Variants in MYL4 observed in about 807,000 individuals in gnomAD.
The protein encoded by MYL4 is myosin light chain 4, also known as atrial myosin light chain 1.
In MYL4, 16 loss-of-function variants were observed where a neutral mutation model predicts 21.6. That is an observed-to-expected ratio of 0.74 (90% CI 0.50 to 1.12). The LOEUF is 1.12. Ranked by LOEUF, MYL4 falls within the 50% of genes most tolerant of loss-of-function variation. The pLI is 0.00. For synonymous variants in MYL4, 82 were observed against 95.7 expected (o/e 0.86, Z 0.83); for missense variants, 249 against 252.9 (o/e 0.98, Z 0.11).
upstream of MYL4, among the ~76,000 whole-genome samples, chr17:47,204,669 C>T (rs191908138): frequency 2.4e-3 from 368 of 151,270 alleles, 2 homozygotes; most frequent in African/African-American, 8.7e-3. Context: ...GAAATGGAGG[C>T]TGCAATGAAC....
At chr17:47,196,568 T>G (rs2064689756), upstream of MYL4, among the ~76,000 whole-genome samples, 1 of 152,252 alleles carries the variant, frequency 6.6e-6, no homozygotes, top group Non-Finnish European at 1.5e-5. Context: ...TGGAAGTCTT[T>G]CTACATATTA....
At chr17:47,223,313 A>T (rs2064870431) in intron 6 of MYL4, 196 bp from the exon 7 acceptor site, 1 of 475,722 alleles carries the variant, frequency 2.1e-6, no homozygotes, top group Admixed American at 3.5e-5. Flanking sequence ...CCCTTCCCTC[A>T]GGCCTGGGGC....
chr17:47,201,748 A>G (rs112715159), intron 1 of MYL4, among the ~76,000 whole-genome samples: 2,464 of 152,072 alleles, frequency 0.016, 55 homozygotes, highest in African/African-American at 0.056. Flanking sequence ...GAGCCACTGC[A>G]CCTGGCCGGA....
downstream of MYL4, among the ~76,000 whole-genome samples, chr17:47,225,855 C>CTTT (rs60342000): frequency 4.1e-3 from 461 of 113,246 alleles, 3 homozygotes; most frequent in African/African-American, 0.013. Flanking sequence ...TCCTTCCCTT[C>CTTT]TTTTTTTTTT....
At chr17:47,189,433 G>A in the MYL4 span, 1 of 562,982 alleles carries the variant, frequency 1.8e-6, no homozygotes, top group Admixed American at 3.0e-5. Context: ...GCCGGAAATT[G>A]TCGAAGATTA....
chr17:47,208,014 A>G (rs187391959), upstream of MYL4, among the ~76,000 whole-genome samples: 1 of 152,340 alleles, frequency 6.6e-6, no homozygotes, highest in Non-Finnish European at 1.5e-5. Flanking sequence ...AGACTCAGAC[A>G]TATCTACATC....
At chr17:47,191,659 C>T in the MYL4 span, among the ~76,000 whole-genome samples, 3 of 152,148 alleles carry the variant, frequency 2.0e-5, no homozygotes, top group East Asian at 1.9e-4. Flanking sequence ...TTAGTAGAGA[C>T]GGGGTTTCAC....
At chr17:47,195,896 G>T (rs1461396801), upstream of MYL4, among the ~76,000 whole-genome samples, 1 of 152,192 alleles carries the variant, frequency 6.6e-6, no homozygotes, top group Non-Finnish European at 1.5e-5. Context: ...TAAGCTCCAT[G>T]AGGGCAGAAG....
At chr17:47,199,231 A>G (rs2064700585), upstream of MYL4, among the ~76,000 whole-genome samples, 1 of 149,232 alleles carries the variant, frequency 6.7e-6, no homozygotes, top group Non-Finnish European at 1.5e-5. Context: ...ACAGAGCAAG[A>G]CTCTGTCTCA....
chr17:47,224,867 G>A (rs188471236), downstream of MYL4, among the ~76,000 whole-genome samples: 34 of 152,222 alleles, frequency 2.2e-4, no homozygotes, highest in African/African-American at 7.7e-4. Context: ...TCAGAGGTCA[G>A]GAACCTCAGG....
upstream of MYL4, chr17:47,209,177 G>A (rs1443451547): frequency 4.8e-6 from 3 of 625,528 alleles, no homozygotes; most frequent in African/African-American, 3.7e-5. Context: ...GCTGTGGCAT[G>A]AAGGGGAGGG....
At chr17:47,227,290 C>T (rs1187264309), downstream of MYL4, among the ~76,000 whole-genome samples, 1 of 152,242 alleles carries the variant, frequency 6.6e-6, no homozygotes, top group Non-Finnish European at 1.5e-5. Flanking sequence ...CAACCCTGTA[C>T]TTTGCCCGGC....
intron 1 of MYL4, among the ~76,000 whole-genome samples, chr17:47,202,848 A>G (rs1025541436): frequency 6.6e-6 from 1 of 152,224 alleles, no homozygotes; most frequent in South Asian, 2.1e-4. Flanking sequence ...GAAATAATGT[A>G]TATTGATTTG....
At chr17:47,207,388 C>T (rs2064734623), upstream of MYL4, among the ~76,000 whole-genome samples, 1 of 152,170 alleles carries the variant, frequency 6.6e-6, no homozygotes, top group South Asian at 2.1e-4. Flanking sequence ...TCAACGTTTC[C>T]CTGGACCTTA....
Position 47,221,096 on chromosome 17 carries a change from C to T in MYL4, c.314-586C>T, listed in dbSNP as rs192411774. Among the ~76,000 whole-genome samples the T allele has an allele frequency of 2.3e-3, 344 of 152,278 alleles. 1 individual carries two copies. The highest frequency in any genetic ancestry group is 3.9e-3 in the Non-Finnish European group (265 of 68,020). On this transcript the variant is annotated intron_variant, in intron 3 of 6. Coordinates refer to ENST00000393450, the MANE Select transcript of MYL4 (RefSeq NM_002476.2). Reference sequence around the variant, plus strand: ...ATTTGTGATATTTAAAAATAGTTTGCCTCTATTAAATTAAAGCCTTTTAAA... The same window carrying T: ...ATTTGTGATATTTAAAAATAGTTTGTCTCTATTAAATTAAAGCCTTTTAAA...
chr17:47,213,743 G>T (rs202234785), intron 1 of MYL4, 56 bp from the exon 2 acceptor site: 1 of 1,498,666 alleles, frequency 6.7e-7, no homozygotes, highest in South Asian at 1.1e-5. Flanking sequence ...CCTTTGGGGG[G>T]CCTTTACAAC....
downstream of MYL4, among the ~76,000 whole-genome samples, chr17:47,224,943 A>T (rs2064879654): frequency 6.6e-6 from 1 of 152,200 alleles, no homozygotes; most frequent in South Asian, 2.1e-4. Context: ...GCAATTGGGA[A>T]GAAGGAGCAA....
chr17:47,204,532 T>C (rs1803350249), upstream of MYL4, among the ~76,000 whole-genome samples: 1 of 152,156 alleles, frequency 6.6e-6, no homozygotes, highest in South Asian at 2.1e-4. Flanking sequence ...CTTGTAGTTA[T>C]AACAGCCACA....
upstream of MYL4, among the ~76,000 whole-genome samples, chr17:47,197,466 A>T (rs575545058): frequency 6.6e-6 from 1 of 152,290 alleles, no homozygotes; most frequent in South Asian, 2.1e-4. Context: ...ATGCATCTTG[A>T]TTGAGATGAG....
Sources: gnomAD v4.1 joint callset for allele counts (sites outside exome capture counted in the v4.1 genomes callset) on GRCh38, gnomAD v4.1.1 for gene constraint, MANE v1.5 for transcripts, NCBI Gene and HGNC (gene_info 2026-07-23, HGNC 2026-07-21) for gene names.